Variants in PACS2 observed in about 807,000 individuals in gnomAD.
PACS2 encodes the protein phosphofurin acidic cluster sorting protein 2.
In PACS2, 36 loss-of-function variants were observed where a neutral mutation model predicts 113.0. The observed-to-expected ratio is 0.32, with a 90% CI of 0.24 to 0.42. The LOEUF is 0.42. Among genes scored for constraint, PACS2 ranks in the 10% least tolerant of loss-of-function variants. The pLI is 1.00. For synonymous variants in PACS2, 589 were observed against 536.1 expected (o/e 1.10, Z -1.36); for missense variants, 1,015 against 1,239.5 (o/e 0.82, Z 2.72).
At chr14:105,326,145 G>A (rs867862483) in intron 1 of PACS2, among the ~76,000 whole-genome samples, 1 of 152,370 alleles carries the variant, frequency 6.6e-6, no homozygotes, top group African/African-American at 2.4e-5. Context: ...TGCATGCTGG[G>A]CTCGTGCAGG....
intron 20 of PACS2, 117 bp downstream of exon 20, chr14:105,390,120 C>A: frequency 1.0e-6 from 1 of 960,902 alleles, no homozygotes; most frequent in Admixed American, 1.7e-5. Context: ...CAGATACGAG[C>A]TGGGGATTTG....
intron 1 of PACS2, among the ~76,000 whole-genome samples, chr14:105,335,310 A>G (rs765564099): frequency 7.2e-5 from 11 of 151,914 alleles, no homozygotes; most frequent in Middle Eastern, 3.4e-3. Context: ...CCCATAGGCC[A>G]GTGCCTGGAG....
chr14:105,390,915 T>C (rs1436684203), intron 20 of PACS2: 5 of 465,814 alleles, frequency 1.1e-5, no homozygotes, highest in Admixed American at 3.7e-5. Flanking sequence ...CTCACCAGCG[T>C]CCTGTTTTTA....
At chr14:105,372,369 A>G (rs1208626558) in intron 8 of PACS2, 2 of 152,234 alleles carry the variant, frequency 1.3e-5, no homozygotes, top group Non-Finnish European at 2.9e-5. Context: ...TTTTCGCAAA[A>G]AAACTGAGGC....
intron 24 of PACS2, chr14:105,394,181 C>T: frequency 1.0e-6 from 1 of 985,294 alleles, no homozygotes; most frequent in Non-Finnish European, 1.2e-6. Context: ...CCACAGGGGT[C>T]TCTGTTTTAA....
At chr14:105,374,952 T>A (rs1417283845) in intron 8 of PACS2, 2 of 152,186 alleles carry the variant, frequency 1.3e-5, no homozygotes, top group East Asian at 3.8e-4. Flanking sequence ...GCGGTTGACA[T>A]CACCATTGCA....
In PACS2 at chr14:105,302,610, G is replaced by A. The variant is rs1403750372; in HGVS notation, c.-83+1631G>A. Among the ~76,000 whole-genome samples, 95 of 151,912 alleles carry A rather than the reference G, an allele frequency of 6.3e-4. 2 individuals are homozygous for A. Among genetic ancestry groups the A allele is most frequent in the Admixed American group, 6.2e-3 (95 of 15,230 alleles). On this transcript the variant is annotated intron_variant, in intron 1 of 23. Coordinates refer to the PACS2 transcript ENST00000430725. ...TCTTCATTTTTTAAAAATTGAGATA[G>A]TGTCTCATTCTGTCACCCAAGGTGG...
At chr14:105,381,860 C>G in intron 12 of PACS2, 54 bp from the exon 13 acceptor site, 2 of 1,504,494 alleles carry the variant, frequency 1.3e-6, no homozygotes, top group Non-Finnish European at 1.8e-6. Context: ...CTGCCTCTGC[C>G]CCTGTTCCTG....
intron 4 of PACS2, among the ~76,000 whole-genome samples, chr14:105,359,880 T>C (rs942308419): frequency 3.3e-5 from 5 of 152,300 alleles, no homozygotes; most frequent in Non-Finnish European, 7.4e-5. Flanking sequence ...CGTGAGCCAC[T>C]GTACCCGGCC....
In PACS2 at chr14:105,355,949, G is replaced by T. The variant is rs1320689626; in HGVS notation, c.423+772G>T. 6.6e-6 allele frequency among the ~76,000 whole-genome samples: 1 copy of T among 152,202 alleles called. No homozygotes were observed. Among genetic ancestry groups the T allele is most frequent in the Admixed American group, 6.5e-5 (1 of 15,288 alleles). ...AGAACTTTCCCCATCGTGGGGTTGT[G>T]TTCAGGGGTCCAGGGGCTGCGGGCG... On this transcript the variant is annotated intron_variant, in intron 4 of 24. Coordinates refer to ENST00000447393, the MANE Select transcript of PACS2 (RefSeq NM_001100913.3). The surrounding 1 kb of genome is among the most constrained non-coding windows in gnomAD (Gnocchi z 4.1).
rs1555401347 is a variant in PACS2, at chr14:105,340,425, G to T, written c.120-8068G>T. Among the ~76,000 whole-genome samples the T allele has an allele frequency of 6.6e-6, 1 of 152,230 alleles. No individual in the cohort carries two copies. Among genetic ancestry groups the T allele is most frequent in the Non-Finnish European group, 1.5e-5 (1 of 68,034 alleles). On this transcript the variant is annotated intron_variant, in intron 1 of 24. Coordinates refer to ENST00000447393, the MANE Select transcript of PACS2 (RefSeq NM_001100913.3). This position sits in a 1 kb window ranked among gnomAD's most constrained non-coding sequence, Gnocchi z 4.2. ...CCAACCTTTTTGCCGCCAGGGACCGGTTTTGTGGAAGACAGTTTTTCCACA... is the reference window on the plus strand; with the variant it reads ...CCAACCTTTTTGCCGCCAGGGACCGTTTTTGTGGAAGACAGTTTTTCCACA...
chr14:105,388,750 ACT>A (rs1253811104), intron 19 of PACS2: 8 of 152,230 alleles, frequency 5.3e-5, no homozygotes, highest in African/African-American at 1.4e-4. Flanking sequence ...CCGGCATCAG[ACT>A]CTGCAGTTTG....
intron 8 of PACS2, chr14:105,372,175 C>T (rs957511111): frequency 2.6e-5 from 4 of 152,290 alleles, no homozygotes; most frequent in Non-Finnish European, 4.4e-5. Context: ...GAGCAGGGCT[C>T]TGCTTGGGAC....
In PACS2 at chr14:105,395,054, G is replaced by T; in HGVS notation, c.*382G>T. 4.3e-6 allele frequency: 1 copy of T among 232,812 alleles called. No individual in the cohort carries two copies. The highest frequency in any genetic ancestry group is 5.8e-5 in the South Asian group (1 of 17,164). 14.4% of individuals were successfully genotyped at this position (232,812 alleles called of 1,614,324 possible). A position where few individuals can be genotyped will look rare whatever the true frequency, so the allele number is the denominator to read the frequency against. On this transcript the variant is annotated 3_prime_UTR_variant, in exon 25 of 25. Transcript: ENST00000447393. ...AGCCCGGGGAAGGCGGAGCTCAGTG[G>T]CCACAGGCCGAGGGCCATGGGGCCG...
At chr14:105,345,561 G>A (rs2059893433) in intron 1 of PACS2, among the ~76,000 whole-genome samples, 1 of 152,176 alleles carries the variant, frequency 6.6e-6, no homozygotes, top group African/African-American at 2.4e-5. Flanking sequence ...CATTCAGAGT[G>A]TTCTCTGATT....
chr14:105,394,014 G>A (rs1240116532), intron 24 of PACS2, among the ~76,000 whole-genome samples: 1 of 148,550 alleles, frequency 6.7e-6, no homozygotes, highest in Non-Finnish European at 1.5e-5. Flanking sequence ...CTCCAGCCTG[G>A]GTGACAGAGC....
rs181539958 is a variant in PACS2 at position 105,324,580 on chromosome 14, G to A, written c.119+9543G>A. 2.6e-5 allele frequency among the ~76,000 whole-genome samples: 4 copies of A among 152,308 alleles called. No homozygotes were observed. The highest frequency in any genetic ancestry group is 4.4e-5 in the Non-Finnish European group (3 of 68,012). On this transcript the variant is annotated intron_variant, in intron 1 of 24. Coordinates refer to ENST00000447393, the MANE Select transcript of PACS2 (RefSeq NM_001100913.3). This position sits in a 1 kb window ranked among gnomAD's most constrained non-coding sequence, Gnocchi z 4.7. The stretch of plus-strand genomic sequence containing the variant: ...CTGAGAGGCCGTCCCTTTCTGCTCC[G>A]CAGGCGCGCGCCGATGTGTGCTCAG...
intron 18 of PACS2, among the ~76,000 whole-genome samples, chr14:105,385,446 G>GCCT (rs1296642944): frequency 2.0e-5 from 3 of 152,168 alleles, no homozygotes; most frequent in Non-Finnish European, 4.4e-5. Flanking sequence ...CGAAAGTCCT[G>GCCT]CGGAGACCTG....
chr14:105,309,837 G>T (rs956664751), upstream of PACS2, among the ~76,000 whole-genome samples: 1 of 143,372 alleles, frequency 7.0e-6, no homozygotes, highest in Non-Finnish European at 1.5e-5. This position sits in a 1 kb window ranked among gnomAD's most constrained non-coding sequence, Gnocchi z 4.0. Flanking sequence ...CCAGGCAGGA[G>T]TGCAGTGGCA....
Sources: allele counts gnomAD v4.1 joint callset (sites outside exome capture counted in the v4.1 genomes callset), GRCh38; gene constraint gnomAD v4.1.1; non-coding constraint Gnocchi (gnomAD v3.1); transcripts MANE v1.5; gene names NCBI Gene and HGNC (gene_info 2026-07-23, HGNC 2026-07-21).